SNX29: variants seen among roughly 807,000 people sequenced by gnomAD.
SNX29 encodes the protein sorting nexin-29.
A neutral mutation model predicts 102.1 loss-of-function variants in SNX29; 78 were observed. The observed-to-expected ratio is 0.76, with a 90% CI of 0.64 to 0.92. The LOEUF is 0.92. Ranked by LOEUF, SNX29 falls within the 40% of genes least tolerant of loss-of-function variation. The probability of loss-of-function intolerance (pLI) is 0.00; values close to 1 mark genes in which losing one functional copy is unlikely to be tolerated. For synonymous variants in SNX29, 580 were observed against 414.5 expected, an observed-to-expected ratio of 1.40 and a Z score of -4.85; for missense variants, 1,280 against 1,061.7, an observed-to-expected ratio of 1.21 and a Z score of -2.86.
chr16:12,022,929 C>T (rs1452153846), intron 3 of SNX29, among the ~76,000 whole-genome samples: 1 of 139,340 alleles, frequency 7.2e-6, no homozygotes, highest in African/African-American at 2.7e-5. Context: ...CCAAGTCTCT[C>T]TCTGTTGCCC....
At chr16:12,417,892 G>A (rs2084707328) in intron 18 of SNX29, among the ~76,000 whole-genome samples, 1 of 152,142 alleles carries the variant, frequency 6.6e-6, no homozygotes, top group South Asian at 2.1e-4. Context: ...CCGACAGCGA[G>A]TGAGCTTTCT....
intron 14 of SNX29, among the ~76,000 whole-genome samples, chr16:12,227,622 G>A (rs1315068201): frequency 2.6e-5 from 4 of 152,238 alleles, no homozygotes; most frequent in African/African-American, 4.8e-5. Context: ...CTCTGAGGCC[G>A]GGCGCGGTGG....
chr16:12,544,929 C>G (rs749819347), intron 20 of SNX29, among the ~76,000 whole-genome samples: 2 of 152,182 alleles, frequency 1.3e-5, no homozygotes, highest in Non-Finnish European at 2.9e-5. Flanking sequence ...TTATCATCAT[C>G]CCTTGTTCAC....
At chr16:12,566,119 C>T (rs185098744) in intron 20 of SNX29, among the ~76,000 whole-genome samples, 1 of 152,236 alleles carries the variant, frequency 6.6e-6, no homozygotes, top group East Asian at 1.9e-4. Flanking sequence ...TTTATTCTGT[C>T]CAAGGCTCAG....
At chr16:12,345,576 G>C (rs1051093224) in intron 15 of SNX29, among the ~76,000 whole-genome samples, 5 of 152,180 alleles carry the variant, frequency 3.3e-5, no homozygotes, top group African/African-American at 1.2e-4. Flanking sequence ...TTGACATTTA[G>C]TAAGTGCTCA....
Position 12,572,319 on chromosome 16 carries a change from G to A in SNX29, c.*3690G>A, listed in dbSNP as rs186419640. The A allele has an allele frequency of 9.4e-7, 1 of 1,062,776 alleles. No individual in the cohort carries two copies. The highest frequency in any genetic ancestry group is 1.6e-5 in the African/African-American group (1 of 60,888). The allele number at this position is 1,062,776 out of a possible 1,614,324, so 65.8% of individuals were successfully genotyped here. On this transcript the variant is annotated 3_prime_UTR_variant, in exon 21 of 21. Coordinates refer to ENST00000566228, the MANE Select transcript of SNX29 (RefSeq NM_032167.5). ...GTGATCACAATCCAGGTTGGAAACA[G>A]GAGTGAAGCCCACCAGCCTGCCTGG...
rs115815060 is a variant in SNX29, at chr16:12,485,829, G to C, written c.2178+7970G>C. 4.3e-3 allele frequency among the ~76,000 whole-genome samples: 651 copies of C among 152,330 alleles called. 4 individuals carry two copies. Among genetic ancestry groups the C allele is most frequent in the African/African-American group, 0.015 (639 of 41,576 alleles). ...CCTGGTGCAATCTGCAGATAGAGGA[G>C]AGAGAAGCAGAGAAGGCTTCCTGCA... On this transcript the variant is annotated intron_variant, in intron 19 of 20. Transcript: ENST00000566228.
chr16:12,396,796 G>A (rs762350924), intron 16 of SNX29, among the ~76,000 whole-genome samples: 7 of 152,218 alleles, frequency 4.6e-5, no homozygotes, highest in Non-Finnish European at 8.8e-5. Flanking sequence ...ACTTAGTAAT[G>A]TGATACACAC....
intron 10 of SNX29, among the ~76,000 whole-genome samples, chr16:12,072,415 A>G (rs1299583510): frequency 2.0e-5 from 3 of 152,168 alleles, no homozygotes; most frequent in Non-Finnish European, 2.9e-5. Flanking sequence ...TTCTGCATCT[A>G]CTGAGATAAT....
intron 16 of SNX29, among the ~76,000 whole-genome samples, chr16:12,378,510 G>A (rs1042801164): frequency 6.6e-6 from 1 of 152,192 alleles, no homozygotes; most frequent in East Asian, 1.9e-4. Context: ...TTAGCCGGGT[G>A]TGGTGATGTG....
At chr16:12,507,989 G>A (rs533469994) in intron 19 of SNX29, among the ~76,000 whole-genome samples, 49 of 152,220 alleles carry the variant, frequency 3.2e-4, no homozygotes, top group Non-Finnish European at 6.5e-4. Flanking sequence ...GCTGGGCCTG[G>A]AAGCCGTGTG....
At chr16:12,556,042 T>C (rs1314329671) in intron 20 of SNX29, among the ~76,000 whole-genome samples, 1 of 152,156 alleles carries the variant, frequency 6.6e-6, no homozygotes, top group Non-Finnish European at 1.5e-5. Context: ...TAGTGCTGAG[T>C]GACGCTTAAA....
intron 9 of SNX29, among the ~76,000 whole-genome samples, chr16:12,065,458 C>T (rs982664878): frequency 6.6e-6 from 1 of 152,182 alleles, no homozygotes; most frequent in African/African-American, 2.4e-5. Flanking sequence ...TTAGGAAATG[C>T]ACAATTTCCA....
chr16:12,000,271 G>A (rs1364872052), intron 2 of SNX29: 2 of 152,810 alleles, frequency 1.3e-5, no homozygotes, highest in Non-Finnish European at 2.9e-5. Flanking sequence ...TCTCTGCTAA[G>A]CACTTTATAT....
intron 15 of SNX29, among the ~76,000 whole-genome samples, chr16:12,287,515 A>G (rs748544417): frequency 6.6e-6 from 1 of 152,216 alleles, no homozygotes; most frequent in Non-Finnish European, 1.5e-5. Context: ...TTTCCCCAGC[A>G]TCAAGTAGTG....
rs573370822 is a variant in SNX29 at position 12,143,000 on chromosome 16, A to T, written c.1595+13242A>T. Among the ~76,000 whole-genome samples, 27 of 141,578 alleles carry T rather than the reference A, an allele frequency of 1.9e-4. 1 individual carries two copies. The Middle Eastern group carries it at 0.012, about 63-fold the overall frequency. The allele number at this position is 141,578 out of a possible 152,430, so 92.9% of individuals were successfully genotyped here. On this transcript the variant is annotated intron_variant, in intron 13 of 20. Coordinates refer to ENST00000566228, the MANE Select transcript of SNX29 (RefSeq NM_032167.5). ...AGGGAAGGATATGCAAGCAAAGAAA[A>T]TTTTTTTTTTTTTTGAGGCAGAGTT...
chr16:12,356,909 G>A (rs2151313329), intron 16 of SNX29, among the ~76,000 whole-genome samples: 1 of 152,348 alleles, frequency 6.6e-6, no homozygotes, highest in East Asian at 1.9e-4. Context: ...GATGTCCTCT[G>A]CATTTCAGAA....
chr16:12,237,004 C>T (rs1486682524), intron 14 of SNX29, among the ~76,000 whole-genome samples: 1 of 152,166 alleles, frequency 6.6e-6, no homozygotes, highest in Non-Finnish European at 1.5e-5. Context: ...TTGGTGCAGG[C>T]TTGGACCTCC....
At chr16:12,202,135 C>T (rs2076928660) in intron 14 of SNX29, among the ~76,000 whole-genome samples, 1 of 152,260 alleles carries the variant, frequency 6.6e-6, no homozygotes, top group South Asian at 2.1e-4. Context: ...TGCATTATTA[C>T]ATTCTTGTGT....
Sources: gnomAD v4.1 joint callset for allele counts (sites outside exome capture counted in the v4.1 genomes callset) on GRCh38, gnomAD v4.1.1 for gene constraint, MANE v1.5 for transcripts, NCBI Gene and HGNC (gene_info 2026-07-23, HGNC 2026-07-21) for gene names.